PPP2R2B: variants seen among roughly 807,000 people sequenced by gnomAD.
The protein encoded by PPP2R2B is protein phosphatase 2 regulatory subunit Bbeta, also known as serine/threonine-protein phosphatase 2A 55 kDa regulatory subunit B beta isoform.
In PPP2R2B, 5 loss-of-function variants were observed where a neutral mutation model predicts 46.0. That is an observed-to-expected ratio of 0.11 (90% CI 0.06 to 0.23). PPP2R2B has a LOEUF of 0.23. Among genes scored for constraint, PPP2R2B ranks in the 10% least tolerant of loss-of-function variants. The probability of loss-of-function intolerance (pLI) is 1.00; values close to 1 mark genes in which losing one functional copy is unlikely to be tolerated. For missense variants in PPP2R2B, 367 were observed against 575.0 expected (o/e 0.64, Z 3.70); for synonymous variants, 215 against 206.7 (o/e 1.04, Z -0.34).
Position 146,585,649 on chromosome 5 carries a change from T to A in PPP2R2B, c.*4298A>T, listed in dbSNP as rs1482293707. 1.3e-5 allele frequency: 2 copies of A among 152,216 alleles called. No individual in the cohort carries two copies. The highest frequency in any genetic ancestry group is 2.9e-5 in the Non-Finnish European group (2 of 68,034). The allele number at this position is 152,216 out of a possible 1,614,324, so 9.4% of individuals were successfully genotyped here. The stretch of plus-strand genomic sequence containing the variant: ...GCTAGGTTGACAACTTGAGTCTATT[T>A]TCTCATTTGCAAAATGGAAATACTA... On this transcript the variant is annotated 3_prime_UTR_variant, in exon 10 of 10. Coordinates refer to ENST00000394411, the MANE Select transcript of PPP2R2B (RefSeq NM_181675.4).
intron 1 of PPP2R2B, among the ~76,000 whole-genome samples, chr5:146,959,363 G>A (rs886069985): frequency 6.6e-6 from 1 of 152,144 alleles, no homozygotes; most frequent in Non-Finnish European, 1.5e-5. Context: ...CCTTCAGAAA[G>A]CTTACAGTCT....
chr5:146,930,695 A>AG (rs533412517), intron 1 of PPP2R2B, among the ~76,000 whole-genome samples: 396 of 152,342 alleles, frequency 2.6e-3, no homozygotes, highest in Middle Eastern at 6.8e-3. Flanking sequence ...AAAATGCAGA[A>AG]GAAAAAGCTT....
intron 2 of PPP2R2B, among the ~76,000 whole-genome samples, chr5:147,079,445 C>CATATAT (rs58393815): frequency 0.072 from 9,445 of 131,968 alleles, 397 homozygotes; most frequent in South Asian, 0.11. Flanking sequence ...TATATATATA[C>CATATAT]ATATATATAT....
chr5:146,893,064 C>T (rs1762538845), intron 1 of PPP2R2B, among the ~76,000 whole-genome samples: 1 of 152,136 alleles, frequency 6.6e-6, no homozygotes, highest in Non-Finnish European at 1.5e-5. Flanking sequence ...AGCTCTGCAC[C>T]TGTTGTGCTC....
intron 2 of PPP2R2B, among the ~76,000 whole-genome samples, chr5:146,825,111 AAATTTACG>A (rs1429978449): frequency 1.3e-5 from 2 of 152,238 alleles, no homozygotes; most frequent in African/African-American, 4.8e-5. Flanking sequence ...CTGATATTTT[AAATTTACG>A]TTCCTCACAT....
intron 1 of PPP2R2B, among the ~76,000 whole-genome samples, chr5:146,957,093 A>G (rs949761906): frequency 6.6e-6 from 1 of 152,224 alleles, no homozygotes; most frequent in African/African-American, 2.4e-5. Flanking sequence ...GAAGACATGA[A>G]TCACCAAGTC....
intron 7 of PPP2R2B, among the ~76,000 whole-genome samples, chr5:146,609,963 AG>A: frequency 6.9e-6 from 1 of 144,378 alleles, no homozygotes; most frequent in Middle Eastern, 3.5e-3. Context: ...TAAACAAAGC[AG>A]CCGGGAAGCT....
At chr5:146,818,182 G>T (rs146011979) in intron 2 of PPP2R2B, among the ~76,000 whole-genome samples, 1 of 152,030 alleles carries the variant, frequency 6.6e-6, no homozygotes, top group Admixed American at 6.6e-5. Flanking sequence ...ATCAAAGTAC[G>T]TCTTTCCCGC....
exon 1 of PPP2R2B, chr5:147,055,783 C>G (rs1407685354): frequency 6.4e-7 from 1 of 1,563,518 alleles, no homozygotes; most frequent in Non-Finnish European, 8.7e-7. Flanking sequence ...AAAAAACAGT[C>G]TCCTGAATCC....
chr5:146,918,345 T>C (rs1255494711), intron 1 of PPP2R2B: 1 of 152,198 alleles, frequency 6.6e-6, no homozygotes, highest in Admixed American at 6.5e-5. Flanking sequence ...TTTCTTTCCA[T>C]AGTATGGGGC....
At chr5:146,935,893 C>G (rs1764123446) in intron 1 of PPP2R2B, among the ~76,000 whole-genome samples, 1 of 152,082 alleles carries the variant, frequency 6.6e-6, no homozygotes. Context: ...TCATCTTTCC[C>G]AGCAACTTAG....
intron 5 of PPP2R2B, among the ~76,000 whole-genome samples, chr5:146,676,182 A>T (rs182337933): frequency 1.1e-4 from 16 of 152,244 alleles, no homozygotes; most frequent in African/African-American, 3.6e-4. Context: ...GGAACTATCT[A>T]GGCGGCTTTT....
At chr5:146,748,146 T>G (rs530424185) in intron 2 of PPP2R2B, among the ~76,000 whole-genome samples, 59 of 152,340 alleles carry the variant, frequency 3.9e-4, no homozygotes, top group African/African-American at 1.4e-3. Flanking sequence ...TGATCCCCAT[T>G]TAACCGATGA....
intron 2 of PPP2R2B, among the ~76,000 whole-genome samples, chr5:146,822,029 C>T (rs932635979): frequency 1.4e-4 from 22 of 152,152 alleles, no homozygotes; most frequent in Non-Finnish European, 2.8e-4. Context: ...GTGTTATTTC[C>T]GTGTAAAACA....
intron 2 of PPP2R2B, among the ~76,000 whole-genome samples, chr5:146,848,252 T>C (rs745564788): frequency 2.6e-5 from 4 of 152,232 alleles, no homozygotes; most frequent in Non-Finnish European, 5.9e-5. Context: ...TTTCTCCTAT[T>C]GTGAATATCT....
rs1756915845 is a variant in PPP2R2B, at chr5:147,053,228, AC to A, written c.79+2436del. 1.8e-4 allele frequency among the ~76,000 whole-genome samples: 4 copies of A among 22,600 alleles called. No homozygotes were observed. In the South Asian group the frequency reaches 0.01, roughly 57 times the overall value. The allele number at this position is 22,600 out of a possible 152,430, so 14.8% of individuals were successfully genotyped here. A position where few individuals can be genotyped will look rare whatever the true frequency, so the allele number is the denominator to read the frequency against. On this transcript the variant is annotated intron_variant, in intron 1 of 8. Coordinates refer to the PPP2R2B transcript ENST00000336640. ...CCTTCCTGCATTAAAAAAAAAAAAC[AC>A]ACGCGCACACAAAAAAAGCAAACAA... is the stretch of plus-strand genomic sequence containing the variant.
At chr5:147,012,108 G>A in intron 1 of PPP2R2B, among the ~76,000 whole-genome samples, 1 of 149,376 alleles carries the variant, frequency 6.7e-6, no homozygotes, top group Non-Finnish European at 1.5e-5. Flanking sequence ...GAGTTAGGGA[G>A]GATTCCCTCT....
intron 2 of PPP2R2B, among the ~76,000 whole-genome samples, chr5:146,715,477 T>C (rs1247133394): frequency 1.3e-5 from 2 of 152,084 alleles, no homozygotes; most frequent in Admixed American, 1.3e-4. Flanking sequence ...CGTTCGACCC[T>C]CTATATACAT....
intron 7 of PPP2R2B, among the ~76,000 whole-genome samples, chr5:146,634,763 T>TACAC (rs57882196): frequency 8.7e-5 from 13 of 149,456 alleles, no homozygotes; most frequent in East Asian, 3.9e-4. Flanking sequence ...TCTCTTAACT[T>TACAC]ACACACACAC....
Sources: gnomAD v4.1 joint callset for allele counts (sites outside exome capture counted in the v4.1 genomes callset) on GRCh38, gnomAD v4.1.1 for gene constraint, MANE v1.5 for transcripts, NCBI Gene and HGNC (gene_info 2026-07-23, HGNC 2026-07-21) for gene names.